The following KDM2B variants were observed in gnomAD, a reference collection of about 807,000 sequenced individuals.
KDM2B encodes lysine-specific demethylase 2B.
A neutral mutation model predicts 150.0 loss-of-function variants in KDM2B; 26 were observed. That is an observed-to-expected ratio of 0.17 (90% CI 0.13 to 0.24). KDM2B has a LOEUF of 0.24. Among genes scored for constraint, KDM2B ranks in the 10% least tolerant of loss-of-function variants. The pLI is 1.00. For missense variants in KDM2B, 1,265 were observed against 1,816.9 expected (o/e 0.70, Z 5.52); for synonymous variants, 734 against 729.5 (o/e 1.01, Z -0.10).
At chr12:121,451,638 G>A (rs951749427) in intron 13 of KDM2B, among the ~76,000 whole-genome samples, 19 of 152,160 alleles carry the variant, frequency 1.2e-4, no homozygotes, top group African/African-American at 4.1e-4. Flanking sequence ...TGAGCCAGGC[G>A]TGGTGGCTCA....
intron 1 of KDM2B, chr12:121,579,515 T>TG: frequency 3.0e-6 from 3 of 1,015,816 alleles, no homozygotes; most frequent in Non-Finnish European, 4.0e-6. Flanking sequence ...CGCCCGCCAG[T>TG]GCAAGAAGAG....
intron 8 of KDM2B, among the ~76,000 whole-genome samples, chr12:121,526,808 G>A (rs1346082809): frequency 6.6e-6 from 1 of 152,048 alleles, no homozygotes; most frequent in Non-Finnish European, 1.5e-5. Context: ...GAGGCGGGCC[G>A]ATCACCTGAG....
Position 121,580,249 on chromosome 12 carries a change from TTG to T in KDM2B, c.126+535_126+536del. ...AGTCCTAGGAAACCATTTTCAGCAGTTGTGGGGGGGGGGAGGCGTCGACGTCA... is the reference window on the plus strand; with the variant it reads ...AGTCCTAGGAAACCATTTTCAGCAGTTGGGGGGGGGGAGGCGTCGACGTCA... On this transcript the variant is annotated intron_variant, in intron 1 of 22. Transcript: ENST00000377071. 7.9e-6 allele frequency: 7 copies of T among 882,162 alleles called. No individual in the cohort carries two copies. In the African/African-American group the frequency reaches 1.2e-4, roughly 15 times the overall value. 54.6% of individuals were successfully genotyped at this position (882,162 alleles called of 1,614,324 possible). A position where few individuals can be genotyped will look rare whatever the true frequency, so the allele number is the denominator to read the frequency against.
chr12:121,502,635 C>T (rs1555302199), intron 11 of KDM2B, among the ~76,000 whole-genome samples: 4 of 150,524 alleles, frequency 2.7e-5, no homozygotes, highest in Non-Finnish European at 5.9e-5. Context: ...AAAAAGGTAT[C>T]ACCTGGCTGG....
chr12:121,546,007 A>C (rs1889008638), intron 6 of KDM2B, among the ~76,000 whole-genome samples: 1 of 151,962 alleles, frequency 6.6e-6, no homozygotes, highest in Non-Finnish European at 1.5e-5. Flanking sequence ...TTCCCCGACC[A>C]CCTTGACTGG....
intron 12 of KDM2B, among the ~76,000 whole-genome samples, chr12:121,492,227 GA>G (rs1381451316): frequency 6.6e-6 from 1 of 152,108 alleles, no homozygotes; most frequent in African/African-American, 2.4e-5. Context: ...TGCCACATTT[GA>G]AAAGGTAAAA....
chr12:121,547,933 G>A (rs782385209), intron 6 of KDM2B, among the ~76,000 whole-genome samples: 26 of 151,926 alleles, frequency 1.7e-4, no homozygotes, highest in Admixed American at 6.6e-4. Context: ...GAGCCACCCC[G>A]CCCGGCCTCT....
chr12:121,423,289 G>A, the KDM2B span: 2 of 890,762 alleles, frequency 2.2e-6, no homozygotes, highest in Non-Finnish European at 3.4e-6. The surrounding 1 kb of genome is among the most constrained non-coding windows in gnomAD (Gnocchi z 4.3). Flanking sequence ...GCCTGCAGGG[G>A]TCATTCAGCA....
intron 12 of KDM2B, among the ~76,000 whole-genome samples, chr12:121,463,112 C>T (rs1433369159): frequency 1.3e-5 from 2 of 151,538 alleles, no homozygotes; most frequent in African/African-American, 2.4e-5. Flanking sequence ...GTCAGGAGTT[C>T]GAGACCAGCC....
At position 121,516,907 on chromosome 12, in the gene KDM2B, C is replaced by T. The variant is rs1886257277; in HGVS notation, c.1048-3505G>A. The T allele has an allele frequency of 1.5e-5, 10 of 652,220 alleles. No homozygotes were observed. The East Asian group carries it at 2.5e-4, about 16-fold the overall frequency. The allele number at this position is 652,220 out of a possible 1,614,324, so 40.4% of individuals were successfully genotyped here. On this transcript the variant is annotated intron_variant, in intron 9 of 22. Coordinates refer to ENST00000377071, the MANE Select transcript of KDM2B (RefSeq NM_032590.5). ...AAATCAATGGAAAAAAAAAAAAGTCCAATGGTAGGGGGAAGGGGAGAGGGA... is the reference window on the plus strand; with the variant it reads ...AAATCAATGGAAAAAAAAAAAAGTCTAATGGTAGGGGGAAGGGGAGAGGGA...
chr12:121,578,853 G>C lies in KDM2B; in HGVS notation c.220C>G (p.Leu74Val). Residue 74 changes from leucine (L) to valine (V), a missense_variant, in exon 2 of 23, where the codon CTT becomes GTT. Transcript: ENST00000377071. The part of the protein sequence containing the change: ...SVRGFSLEEK[L>V]RSQLYQGDFV... ...TCCCCCTGGTACAGCTGGCTGCGAA[G>C]CTTCTCCTCCAGGCTGAAGCCGCGG... The C allele has an allele frequency of 6.2e-7, 1 of 1,610,938 alleles. No homozygotes were observed. Among genetic ancestry groups the C allele is most frequent in the Non-Finnish European group, 8.5e-7 (1 of 1,178,852 alleles).
At chr12:121,413,821 C>T in the KDM2B span, among the ~76,000 whole-genome samples, 1 of 151,576 alleles carries the variant, frequency 6.6e-6, no homozygotes, top group East Asian at 1.9e-4. Flanking sequence ...GTGATCCACC[C>T]GCCTCAGCCT....
At chr12:121,553,914 C>T (rs1447805089) in intron 4 of KDM2B, among the ~76,000 whole-genome samples, 1 of 151,970 alleles carries the variant, frequency 6.6e-6, no homozygotes, top group African/African-American at 2.4e-5. Context: ...GAATTGTGGC[C>T]GGCCTTGGTG....
At chr12:121,498,405 A>G (rs1463617334) in intron 11 of KDM2B, among the ~76,000 whole-genome samples, 3 of 152,116 alleles carry the variant, frequency 2.0e-5, no homozygotes, top group Non-Finnish European at 4.4e-5. Context: ...AGGCTACCCA[A>G]CTCCAGCTTA....
chr12:121,510,822 A>C (rs150374852), intron 10 of KDM2B, among the ~76,000 whole-genome samples: 1,992 of 136,532 alleles, frequency 0.015, 44 homozygotes, highest in African/African-American at 0.053. Context: ...AATAATAATA[A>C]TACTAAAATA....
chr12:121,581,135 C>A, upstream of KDM2B: 1 of 495,120 alleles, frequency 2.0e-6, no homozygotes, highest in Non-Finnish European at 3.4e-6. Flanking sequence ...GCGACCAGCC[C>A]TGAAACAGAA....
At chr12:121,566,246 T>C (rs1890698610) in intron 4 of KDM2B, among the ~76,000 whole-genome samples, 1 of 152,006 alleles carries the variant, frequency 6.6e-6, no homozygotes, top group Non-Finnish European at 1.5e-5. Context: ...ATCCCAACAC[T>C]GGGAGGCTGA....
At chr12:121,551,056 C>A (rs1889449600) in intron 4 of KDM2B, among the ~76,000 whole-genome samples, 1 of 152,240 alleles carries the variant, frequency 6.6e-6, no homozygotes, top group South Asian at 2.1e-4. Flanking sequence ...TAAGTATTTA[C>A]TCTCTGGCAC....
Position 121,430,704 on chromosome 12 carries a change from C to A in KDM2B, c.3830-235G>T. The A allele has an allele frequency of 1.8e-6, 1 of 569,972 alleles. No individual in the cohort carries two copies. 35.3% of individuals were successfully genotyped at this position (569,972 alleles called of 1,614,324 possible). A position where few individuals can be genotyped will look rare whatever the true frequency, so the allele number is the denominator to read the frequency against. On this transcript the variant is annotated intron_variant, in intron 22 of 22. Coordinates refer to ENST00000377071, the MANE Select transcript of KDM2B (RefSeq NM_032590.5). The surrounding 1 kb of genome is among the most constrained non-coding windows in gnomAD (Gnocchi z 4.4). The stretch of plus-strand genomic sequence containing the variant: ...TGCCTCAAAAGCATTCAGATAACCA[C>A]GTGAAAATCACTTCTGATTTACCAC...
Sources: allele counts gnomAD v4.1 joint callset (sites outside exome capture counted in the v4.1 genomes callset), GRCh38; gene constraint gnomAD v4.1.1; non-coding constraint Gnocchi (gnomAD v3.1); transcripts MANE v1.5; gene names NCBI Gene and HGNC (gene_info 2026-07-23, HGNC 2026-07-21).